The following PCLO variants were observed in gnomAD, a reference collection of about 807,000 sequenced individuals.
PCLO encodes protein piccolo.
PCLO carries 82 observed loss-of-function variants against 427.5 expected under a neutral mutation model. That is an observed-to-expected ratio of 0.19 (90% CI 0.16 to 0.23). The LOEUF (loss-of-function observed/expected upper bound fraction) is 0.23, where lower values mean the gene tolerates loss of function less well. Ranked by LOEUF, PCLO falls within the 10% of genes least tolerant of loss-of-function variation. PCLO has a pLI of 1.00. For missense variants in PCLO, 6,239 were observed against 6,115.9 expected (o/e 1.02, Z -0.67); for synonymous variants, 2,357 against 2,155.4 (o/e 1.09, Z -2.59).
intron 3 of PCLO, among the ~76,000 whole-genome samples, chr7:82,990,276 G>A (rs780706607): frequency 5.3e-5 from 8 of 152,076 alleles, no homozygotes; most frequent in Non-Finnish European, 1.0e-4. Context: ...CCCCTTTATG[G>A]CCTCCTAAAC....
At chr7:83,100,213 G>T (rs9656539) in intron 3 of PCLO, among the ~76,000 whole-genome samples, 69,824 of 151,984 alleles carry the variant, frequency 0.46, 16,449 homozygotes, top group East Asian at 0.71. Context: ...CTGTTGTTGT[G>T]AGTGTAAATT....
At chr7:83,070,454 C>T (rs1789784254) in intron 3 of PCLO, among the ~76,000 whole-genome samples, 1 of 147,756 alleles carries the variant, frequency 6.8e-6, no homozygotes, top group Non-Finnish European at 1.5e-5. Flanking sequence ...GTGGCGTGAT[C>T]TCAGCTCAGT....
chr7:83,111,215 C>A (rs756135237), intron 3 of PCLO, among the ~76,000 whole-genome samples: 20 of 152,210 alleles, frequency 1.3e-4, no homozygotes, highest in Non-Finnish European at 2.4e-4. Context: ...CACTCAGTTA[C>A]TGTAGCAGGC....
intron 22 of PCLO, among the ~76,000 whole-genome samples, chr7:82,800,642 C>T (rs1006117330): frequency 7.9e-5 from 12 of 152,070 alleles, no homozygotes; most frequent in African/African-American, 2.9e-4. Context: ...GTCGCCCAGG[C>T]TGGAGTGCAG....
chr7:82,998,652 T>C (rs1225982876), intron 3 of PCLO, among the ~76,000 whole-genome samples: 1 of 151,928 alleles, frequency 6.6e-6, no homozygotes, highest in Non-Finnish European at 1.5e-5. Flanking sequence ...CTAAAGACTT[T>C]GACCTAATCA....
chr7:83,044,132 G>A (rs1789045295), intron 3 of PCLO, among the ~76,000 whole-genome samples: 1 of 112,140 alleles, frequency 8.9e-6, no homozygotes, highest in Non-Finnish European at 1.9e-5. Context: ...TTATGTGGTG[G>A]CAGGGGAGAG....
At chr7:83,007,645 A>C (rs2115967317) in intron 3 of PCLO, among the ~76,000 whole-genome samples, 1 of 151,648 alleles carries the variant, frequency 6.6e-6, no homozygotes, top group African/African-American at 2.4e-5. Flanking sequence ...ATCATAAAAT[A>C]TTTATTGGGG....
chr7:83,054,002 G>C (rs778871940), intron 3 of PCLO, among the ~76,000 whole-genome samples: 2 of 151,888 alleles, frequency 1.3e-5, no homozygotes, highest in Non-Finnish European at 2.9e-5. Flanking sequence ...AAAGAACAGA[G>C]ACACTTGCAG....
chr7:82,964,819 A>G (rs1562887922), intron 4 of PCLO, among the ~76,000 whole-genome samples: 1 of 152,186 alleles, frequency 6.6e-6, no homozygotes, highest in Non-Finnish European at 1.5e-5. Context: ...ATTTACTTAG[A>G]CAATGTGTGA....
At chr7:82,822,451 G>A in intron 20 of PCLO, 44 bp downstream of exon 20, 1 of 1,612,890 alleles carries the variant, frequency 6.2e-7, no homozygotes, top group South Asian at 1.1e-5. Context: ...GGCAACAGAT[G>A]AACATTAAGC....
intron 3 of PCLO, among the ~76,000 whole-genome samples, chr7:83,091,369 G>C (rs1349471494): frequency 6.6e-6 from 1 of 152,112 alleles, no homozygotes; most frequent in Non-Finnish European, 1.5e-5. Flanking sequence ...ATTCTCTCCA[G>C]GCAATTGAAG....
chr7:83,035,899 TAG>T (rs1788782488), intron 3 of PCLO, among the ~76,000 whole-genome samples: 1 of 152,112 alleles, frequency 6.6e-6, no homozygotes, highest in Admixed American at 6.6e-5. Context: ...TACACTACAT[TAG>T]AGAGTGAAAA....
intron 3 of PCLO, among the ~76,000 whole-genome samples, chr7:83,054,367 C>T (rs1270436926): frequency 2.6e-5 from 4 of 151,968 alleles, no homozygotes; most frequent in Non-Finnish European, 4.4e-5. Context: ...AAATAGTTTC[C>T]TTTTTCTTTT....
chr7:82,910,357 T>C (rs1268296940), intron 7 of PCLO, among the ~76,000 whole-genome samples: 1 of 152,078 alleles, frequency 6.6e-6, no homozygotes, highest in Non-Finnish European at 1.5e-5. Flanking sequence ...ACTACTCAAC[T>C]CTATACCTCC....
intron 7 of PCLO, among the ~76,000 whole-genome samples, chr7:82,909,326 T>G (rs533355199): frequency 6.6e-6 from 1 of 151,982 alleles, no homozygotes; most frequent in Non-Finnish European, 1.5e-5. Flanking sequence ...AAATAAATGA[T>G]CAAGTGGTCA....
chr7:82,952,123 C>T lies in PCLO; in HGVS notation c.8830G>A (p.Val2944Ile). ...CTCCTTCCAAATGGTAATTTATAAACCACATCACAGCACACAGCTCTTCTC... is the reference window on the plus strand; with the variant it reads ...CTCCTTCCAAATGGTAATTTATAAATCACATCACAGCACACAGCTCTTCTC... ...AGRRAVCCDV[V>I]YKLPFGRSCT... The change falls in exon 5 of 25, where the codon GTT becomes ATT. Residue 2944 changes from valine (V) to isoleucine (I), a missense_variant. Val to Ile is a conservative substitution (Grantham distance 29). Coordinates refer to ENST00000333891, the MANE Select transcript of PCLO (RefSeq NM_033026.6). 1.2e-6 allele frequency: 2 copies of T among 1,613,898 alleles called. No individual in the cohort carries two copies. The highest frequency in any genetic ancestry group is 1.7e-4 in the Middle Eastern group (1 of 6,060).
chr7:83,113,604 A>C (rs957661545), intron 3 of PCLO, among the ~76,000 whole-genome samples: 5 of 152,214 alleles, frequency 3.3e-5, no homozygotes, highest in Admixed American at 6.5e-5. Context: ...CTATATCTGT[A>C]ATAACATATA....
At chr7:82,980,597 A>T (rs1796124835) in intron 3 of PCLO, among the ~76,000 whole-genome samples, 1 of 152,184 alleles carries the variant, frequency 6.6e-6, no homozygotes, top group Non-Finnish European at 1.5e-5. Context: ...TAGAATTCCC[A>T]TTTTTAACAC....
intron 4 of PCLO, among the ~76,000 whole-genome samples, chr7:82,959,427 T>C (rs549246547): frequency 1.3e-5 from 2 of 152,286 alleles, no homozygotes; most frequent in East Asian, 3.9e-4. Context: ...AAAATATGCA[T>C]ATATGAAAGA....
Sources: allele counts gnomAD v4.1 joint callset (sites outside exome capture counted in the v4.1 genomes callset), GRCh38; gene constraint gnomAD v4.1.1; transcripts MANE v1.5; gene names NCBI Gene and HGNC (gene_info 2026-07-23, HGNC 2026-07-21).